The following RBFOX1 variants were observed in gnomAD, a reference collection of about 807,000 sequenced individuals.
RBFOX1 encodes the protein RNA binding protein fox-1 homolog 1.
A neutral mutation model predicts 57.7 loss-of-function variants in RBFOX1; 8 were observed. That is an observed-to-expected ratio of 0.14 (90% confidence interval 0.08 to 0.25). The LOEUF (loss-of-function observed/expected upper bound fraction) is 0.25, where lower values mean the gene tolerates loss of function less well. Ranked by LOEUF, RBFOX1 falls within the 10% of genes least tolerant of loss-of-function variation. The probability of loss-of-function intolerance (pLI) is 1.00; values close to 1 mark genes in which losing one functional copy is unlikely to be tolerated. For missense variants in RBFOX1, 611 were observed against 548.5 expected (o/e 1.11, Z -1.14); for synonymous variants, 326 against 222.4 (o/e 1.47, Z -4.15).
intron 3 of RBFOX1, among the ~76,000 whole-genome samples, chr16:6,768,685 A>G (rs928872859): frequency 4.1e-5 from 6 of 147,818 alleles, no homozygotes; most frequent in East Asian, 2.0e-4. Context: ...TATGTAAAAT[A>G]TATATGTACC....
chr16:5,368,489 C>T (rs74670744), intron 1 of RBFOX1, among the ~76,000 whole-genome samples: 1,675 of 152,276 alleles, frequency 0.011, 25 homozygotes, highest in African/African-American at 0.038. Context: ...GAGAAAATAA[C>T]ATCTATTTAG....
chr16:6,326,788 C>T (rs961291547), intron 2 of RBFOX1, among the ~76,000 whole-genome samples: 9 of 149,080 alleles, frequency 6.0e-5, no homozygotes, highest in Non-Finnish European at 1.2e-4. Context: ...TCCTCCCTGA[C>T]GTCCAGGCAG....
intron 2 of RBFOX1, among the ~76,000 whole-genome samples, chr16:6,543,354 ACT>A (rs2096850764): frequency 1.3e-5 from 2 of 151,984 alleles, no homozygotes; most frequent in East Asian, 3.9e-4. Flanking sequence ...GCAGATTTCC[ACT>A]GAGTCTCTAC....
rs551125468 is a variant in RBFOX1 at position 5,630,273 on chromosome 16, A to C, written c.318+31312A>C. On this transcript the variant is annotated intron_variant, in intron 3 of 19. Coordinates refer to the RBFOX1 transcript ENST00000641259. Reference sequence around the variant, plus strand: ...GGAGTTCGAGACCAGCCTGGGCAACATGGTGAAACCCTGTGTCTACTAAAA... The same window carrying C: ...GGAGTTCGAGACCAGCCTGGGCAACCTGGTGAAACCCTGTGTCTACTAAAA... Among the ~76,000 whole-genome samples the C allele has an allele frequency of 1.5e-3, 236 of 152,264 alleles. 2 individuals carry two copies. The highest frequency in any genetic ancestry group is 5.2e-3 in the African/African-American group (215 of 41,556).
chr16:7,278,047 A>G (rs372395611), intron 4 of RBFOX1, among the ~76,000 whole-genome samples: 7 of 152,136 alleles, frequency 4.6e-5, no homozygotes, highest in African/African-American at 1.7e-4. Context: ...TAATGCTAGC[A>G]TTGCCTATCA....
chr16:7,194,499 C>G (rs2086201609), intron 4 of RBFOX1, among the ~76,000 whole-genome samples: 1 of 151,988 alleles, frequency 6.6e-6, no homozygotes, highest in African/African-American at 2.4e-5. Context: ...CTCTTTGGGG[C>G]TAAAGATTTC....
At chr16:6,346,073 C>G (rs1027470964) in intron 2 of RBFOX1, among the ~76,000 whole-genome samples, 8 of 152,124 alleles carry the variant, frequency 5.3e-5, no homozygotes, top group African/African-American at 1.9e-4. Flanking sequence ...TCTCAGTGAG[C>G]AGAGGGATGA....
intron 4 of RBFOX1, among the ~76,000 whole-genome samples, chr16:7,262,882 G>A (rs947817733): frequency 3.9e-5 from 6 of 152,220 alleles, no homozygotes; most frequent in Admixed American, 6.5e-5. Flanking sequence ...GAAAACTTGT[G>A]TTCTTATTTG....
intron 4 of RBFOX1, among the ~76,000 whole-genome samples, chr16:7,222,297 G>C (rs1003368013): frequency 6.6e-6 from 1 of 152,184 alleles, no homozygotes; most frequent in African/African-American, 2.4e-5. Context: ...TACTACACTA[G>C]ACAGGCAAGC....
At chr16:6,883,591 G>A (rs1465210190) in intron 3 of RBFOX1, among the ~76,000 whole-genome samples, 1 of 152,172 alleles carries the variant, frequency 6.6e-6, no homozygotes, top group Non-Finnish European at 1.5e-5. Flanking sequence ...AAATATTGAA[G>A]TAACACCCTC....
intron 1 of RBFOX1, among the ~76,000 whole-genome samples, chr16:6,021,755 C>A (rs1596447473): frequency 6.6e-6 from 1 of 152,138 alleles, no homozygotes; most frequent in African/African-American, 2.4e-5. Flanking sequence ...AGCTGTGTGA[C>A]CTTGGGCAAG....
At chr16:7,218,060 TGC>T (rs1439780961) in intron 4 of RBFOX1, among the ~76,000 whole-genome samples, 8 of 129,716 alleles carry the variant, frequency 6.2e-5, no homozygotes, top group African/African-American at 2.3e-4. Flanking sequence ...TGCATGCGTG[TGC>T]GTGTGTGTGT....
At chr16:7,382,546 C>T (rs1407455256) in intron 4 of RBFOX1, among the ~76,000 whole-genome samples, 2 of 152,132 alleles carry the variant, frequency 1.3e-5, no homozygotes, top group African/African-American at 2.4e-5. Context: ...CATAACTCAC[C>T]GAATTGATTC....
At chr16:7,033,247 C>G (rs996837783) in intron 3 of RBFOX1, among the ~76,000 whole-genome samples, 1 of 152,184 alleles carries the variant, frequency 6.6e-6, no homozygotes, top group Non-Finnish European at 1.5e-5. Context: ...AGGACGGGCA[C>G]AGTGGGTCAC....
At chr16:7,408,970 T>C (rs1447138392) in intron 4 of RBFOX1, among the ~76,000 whole-genome samples, 1 of 152,212 alleles carries the variant, frequency 6.6e-6, no homozygotes, top group African/African-American at 2.4e-5. Flanking sequence ...ACTTTTCTTC[T>C]TTTCTTTTTG....
chr16:6,968,066 C>T (rs1333411422), intron 3 of RBFOX1, among the ~76,000 whole-genome samples: 1 of 152,078 alleles, frequency 6.6e-6, no homozygotes, highest in South Asian at 2.1e-4. Flanking sequence ...TTGGGTCTGA[C>T]CCTCGGATGC....
At chr16:5,428,805 T>A (rs2067641897) in intron 1 of RBFOX1, among the ~76,000 whole-genome samples, 1 of 152,156 alleles carries the variant, frequency 6.6e-6, no homozygotes, top group Admixed American at 6.5e-5. Context: ...GACATATGAT[T>A]TTTTTGGGGA....
intron 3 of RBFOX1, among the ~76,000 whole-genome samples, chr16:6,986,518 A>T (rs11077122): frequency 2.6e-5 from 4 of 152,078 alleles, no homozygotes; most frequent in Non-Finnish European, 4.4e-5. Flanking sequence ...TTTTGAACTC[A>T]TGGGCTCAAC....
intron 2 of RBFOX1, among the ~76,000 whole-genome samples, chr16:6,365,180 G>A (rs997959789): frequency 1.3e-5 from 2 of 152,188 alleles, no homozygotes; most frequent in African/African-American, 4.8e-5. Context: ...GTCTGGTAGG[G>A]CCCTCTCTTC....
Sources: allele counts gnomAD v4.1 joint callset (sites outside exome capture counted in the v4.1 genomes callset), GRCh38; gene constraint gnomAD v4.1.1; transcripts MANE v1.5; gene names NCBI Gene and HGNC (gene_info 2026-07-23, HGNC 2026-07-21).